The following BCAS3 variants were observed in gnomAD, a reference collection of about 807,000 sequenced individuals.
The protein encoded by BCAS3 is BCAS4/BCAS3 fusion.
Under a neutral mutation model 116.1 loss-of-function variants are expected in BCAS3, and 53 were observed. The observed-to-expected ratio is 0.46, with a 90% CI of 0.37 to 0.57. The LOEUF (loss-of-function observed/expected upper bound fraction) is 0.57, where lower values mean the gene tolerates loss of function less well. BCAS3 is among the 20% of genes least tolerant of loss of function. The probability of loss-of-function intolerance (pLI) is 0.00; values close to 1 mark genes in which losing one functional copy is unlikely to be tolerated. For missense variants in BCAS3, 917 were observed against 1,165.4 expected, an observed-to-expected ratio of 0.79 and a Z score of 3.10; for synonymous variants, 391 against 408.2, an observed-to-expected ratio of 0.96 and a Z score of 0.51.
chr17:61,315,807 G>A lies in BCAS3; in HGVS notation c.2426-52520G>A, dbSNP rs185050931. ...CCCATCTGCCTCCACATGCCGCTGCGTCCCCTCCACGGCTCCCCTGCAGTA... is the reference window on the plus strand; with the variant it reads ...CCCATCTGCCTCCACATGCCGCTGCATCCCCTCCACGGCTCCCCTGCAGTA... On this transcript the variant is annotated intron_variant, in intron 22 of 23. Transcript: ENST00000407086. This position sits in a 1 kb window ranked among gnomAD's most constrained non-coding sequence, Gnocchi z 5.3. Among the ~76,000 whole-genome samples, 369 of 152,054 alleles carry A rather than the reference G, an allele frequency of 2.4e-3. 4 individuals carry two copies. Among genetic ancestry groups the A allele is most frequent in the African/African-American group, 8.6e-3 (355 of 41,466 alleles).
At chr17:60,721,891 T>C (rs2039277905) in intron 5 of BCAS3, among the ~76,000 whole-genome samples, 1 of 152,196 alleles carries the variant, frequency 6.6e-6, no homozygotes, top group Non-Finnish European at 1.5e-5. Flanking sequence ...ATTATTCTGC[T>C]ATTCTGACTT....
chr17:61,002,737 G>A (rs372677201), intron 15 of BCAS3: 1 of 151,998 alleles, frequency 6.6e-6, no homozygotes, highest in East Asian at 1.9e-4. Flanking sequence ...AGTATGTGGG[G>A]TCATTATGCT....
chr17:60,929,195 G>T (rs1292612085), intron 13 of BCAS3, among the ~76,000 whole-genome samples: 3 of 152,124 alleles, frequency 2.0e-5, no homozygotes, highest in African/African-American at 7.2e-5. Context: ...TGAGATGGGG[G>T]GACCAACACT....
Position 61,161,524 on chromosome 17 carries a change from T to C in BCAS3, c.2425+76960T>C, listed in dbSNP as rs1046285404. On this transcript the variant is annotated intron_variant, in intron 22 of 23. Coordinates refer to ENST00000407086, the MANE Select transcript of BCAS3 (RefSeq NM_017679.5). The surrounding 1 kb of genome is among the most constrained non-coding windows in gnomAD (Gnocchi z 4.8). ...AAATGTGCTGTGGGTTTAAGCAATA[T>C]TTGATTGATCATGTGATTCTATCAG... Among the ~76,000 whole-genome samples, 11 of 152,270 alleles carry C rather than the reference T, an allele frequency of 7.2e-5. No homozygotes were observed. The highest frequency in any genetic ancestry group is 2.7e-4 in the African/African-American group (11 of 41,480).
rs946271989 is a variant in BCAS3 at position 61,217,460 on chromosome 17, G to A, written c.2425+132896G>A. Among the ~76,000 whole-genome samples, 9 of 152,100 alleles carry A rather than the reference G, an allele frequency of 5.9e-5. No homozygotes were observed. The highest frequency in any genetic ancestry group is 9.7e-5 in the African/African-American group (4 of 41,426). On this transcript the variant is annotated intron_variant, in intron 22 of 23. Coordinates refer to ENST00000407086, the MANE Select transcript of BCAS3 (RefSeq NM_017679.5). This position sits in a 1 kb window ranked among gnomAD's most constrained non-coding sequence, Gnocchi z 5.2. ...GTAGGCATATAATGGCCCCACAATC[G>A]TTTTGGCTTAGTTTGGCTTGCCCCA...
chr17:61,256,273 T>TG lies in BCAS3; in HGVS notation c.2426-112053dup, dbSNP rs1277006376. Among the ~76,000 whole-genome samples the TG allele has an allele frequency of 6.6e-6, 1 of 151,918 alleles. No individual in the cohort carries two copies. The highest frequency in any genetic ancestry group is 1.9e-4 in the East Asian group (1 of 5,188). Reference sequence around the variant, plus strand: ...GTTTTTGTTTGTTTGTTTGTTTGTTTGTTTGTTTTTCATTTATTTTTATTT... The same window carrying TG: ...GTTTTTGTTTGTTTGTTTGTTTGTTTGGTTTGTTTTTCATTTATTTTTATTT... On this transcript the variant is annotated intron_variant, in intron 22 of 23. Coordinates refer to ENST00000407086, the MANE Select transcript of BCAS3 (RefSeq NM_017679.5). This position sits in a 1 kb window ranked among gnomAD's most constrained non-coding sequence, Gnocchi z 5.6.
At chr17:60,757,779 T>C (rs924408670) in intron 6 of BCAS3, among the ~76,000 whole-genome samples, 1 of 152,116 alleles carries the variant, frequency 6.6e-6, no homozygotes, top group African/African-American at 2.4e-5. Context: ...GTCCTACATG[T>C]ATATTTTTGT....
rs531277375 is a variant in BCAS3, at chr17:61,254,706, G to A, written c.2426-113621G>A. ...GTAAGAGAATCACTTGAACCTGGGAGGTGGAGGTTGCAGTGAGCCGAGATT... is the reference window on the plus strand; with the variant it reads ...GTAAGAGAATCACTTGAACCTGGGAAGTGGAGGTTGCAGTGAGCCGAGATT... On this transcript the variant is annotated intron_variant, in intron 22 of 23. Transcript: ENST00000407086. Among the ~76,000 whole-genome samples the A allele has an allele frequency of 2.0e-5, 3 of 147,314 alleles. No individual in the cohort carries two copies. The Admixed American group carries it at 2.0e-4, about 10-fold the overall frequency.
At chr17:60,932,605 G>C (rs1158544405) in intron 13 of BCAS3, among the ~76,000 whole-genome samples, 2 of 151,834 alleles carry the variant, frequency 1.3e-5, no homozygotes, top group African/African-American at 2.4e-5. Flanking sequence ...AGCCAGGCGT[G>C]GTGGCGGGCA....
At chr17:60,683,422 GC>G (rs2033486907) in intron 2 of BCAS3, among the ~76,000 whole-genome samples, 1 of 137,832 alleles carries the variant, frequency 7.3e-6, no homozygotes, top group South Asian at 2.5e-4. Context: ...AATGTTAAAA[GC>G]CCATTTACAT....
At position 61,040,925 on chromosome 17, in the gene BCAS3, A is replaced by G. The variant is rs568974854; in HGVS notation, c.2029+33A>G. On this transcript the variant is annotated intron_variant, in intron 19 of 23. Transcript: ENST00000407086. Reference sequence around the variant, plus strand: ...GTTCAGATTTTTTTTTTCCTTTCGTATGGTCTATTCAGATTTCATCTTAAA... The same window carrying G: ...GTTCAGATTTTTTTTTTCCTTTCGTGTGGTCTATTCAGATTTCATCTTAAA... The G allele has an allele frequency of 9.7e-6, 15 of 1,541,118 alleles. No homozygotes were observed. In the African/African-American group the frequency reaches 1.5e-4, roughly 15 times the overall value.
chr17:61,083,596 TC>T lies in BCAS3; in HGVS notation c.2328-870del, dbSNP rs1264691525. Among the ~76,000 whole-genome samples, 3 of 148,432 alleles carry T rather than the reference TC, an allele frequency of 2.0e-5. No individual in the cohort carries two copies. Among genetic ancestry groups the T allele is most frequent in the African/African-American group, 5.2e-5 (2 of 38,292 alleles). On this transcript the variant is annotated intron_variant, in intron 21 of 23. Coordinates refer to ENST00000407086, the MANE Select transcript of BCAS3 (RefSeq NM_017679.5). The surrounding 1 kb of genome is among the most constrained non-coding windows in gnomAD (Gnocchi z 4.9). ...CATTTGGCATTTATATGTTTATTAT[TC>T]TTTTTTTTTTTTTTTTGAGACGGAG...
chr17:61,021,710 T>C lies in BCAS3; in HGVS notation c.1637+5809T>C, dbSNP rs139896538. Among the ~76,000 whole-genome samples, 551 of 152,316 alleles carry C rather than the reference T, an allele frequency of 3.6e-3. 6 individuals carry two copies. Among genetic ancestry groups the C allele is most frequent in the African/African-American group, 0.012 (509 of 41,574 alleles). On this transcript the variant is annotated intron_variant, in intron 16 of 23. Coordinates refer to ENST00000407086, the MANE Select transcript of BCAS3 (RefSeq NM_017679.5). This position sits in a 1 kb window ranked among gnomAD's most constrained non-coding sequence, Gnocchi z 4.6. ...AAAGCATAGATGCTTTTAAATGATA[T>C]TAAATGGAAGCATTAAATAGCATTT...
At chr17:61,375,246 G>GCGCGCACA (rs1555861731) in intron 23 of BCAS3, among the ~76,000 whole-genome samples, 1 of 150,666 alleles carries the variant, frequency 6.6e-6, no homozygotes, top group African/African-American at 2.5e-5. Context: ...GTGTGTGTGT[G>GCGCGCACA]TGTGTGTGTA....
intron 22 of BCAS3, among the ~76,000 whole-genome samples, chr17:61,360,727 C>T (rs1385916960): frequency 6.6e-6 from 1 of 152,228 alleles, no homozygotes; most frequent in Non-Finnish European, 1.5e-5. Flanking sequence ...ATTACATTTG[C>T]AAGGACCCAT....
chr17:60,787,857 A>C (rs2046410571), intron 6 of BCAS3, among the ~76,000 whole-genome samples: 1 of 151,890 alleles, frequency 6.6e-6, no homozygotes, highest in Non-Finnish European at 1.5e-5. Context: ...GGGAAATGTT[A>C]AGGAGATATT....
intron 22 of BCAS3, among the ~76,000 whole-genome samples, chr17:61,264,635 C>T (rs921782886): frequency 6.6e-6 from 1 of 152,098 alleles, no homozygotes; most frequent in African/African-American, 2.4e-5. Context: ...CTCAAACTCC[C>T]AACCTCAGAT....
At chr17:60,842,731 T>A (rs1377778396) in intron 7 of BCAS3, among the ~76,000 whole-genome samples, 1 of 152,128 alleles carries the variant, frequency 6.6e-6, no homozygotes, top group Non-Finnish European at 1.5e-5. Flanking sequence ...GTTTCTAAGC[T>A]CTTTCTTCTA....
intron 22 of BCAS3, among the ~76,000 whole-genome samples, chr17:61,143,308 C>T (rs1249643826): frequency 6.6e-6 from 1 of 152,170 alleles, no homozygotes; most frequent in African/African-American, 2.4e-5. Flanking sequence ...TACTTTGAAA[C>T]ATTCTCAAAA....
Sources: allele counts gnomAD v4.1 joint callset (sites outside exome capture counted in the v4.1 genomes callset), GRCh38; gene constraint gnomAD v4.1.1; non-coding constraint Gnocchi (gnomAD v3.1); transcripts MANE v1.5; gene names NCBI Gene and HGNC (gene_info 2026-07-23, HGNC 2026-07-21).